Variants in CEP72 observed in about 807,000 individuals in gnomAD.
CEP72 encodes centrosomal protein of 72 kDa.
In CEP72, 78 loss-of-function variants were observed where a neutral mutation model predicts 65.7. That is an observed-to-expected ratio of 1.19 (90% CI 0.99 to 1.43). CEP72 has a LOEUF of 1.43. Among genes scored for constraint, CEP72 ranks in the 40% most tolerant of loss-of-function variants. CEP72 has a pLI of 0.00. For synonymous variants in CEP72, 358 were observed against 351.7 expected (o/e 1.02, Z -0.20); for missense variants, 914 against 832.9 (o/e 1.10, Z -1.20).
intron 11 of CEP72, among the ~76,000 whole-genome samples, chr5:649,042 C>CTGTGGG (rs1391314479): frequency 6.9e-6 from 1 of 144,196 alleles, no homozygotes; most frequent in Non-Finnish European, 1.5e-5. Context: ...TGAGGTGTGA[C>CTGTGGG]TGTGAGGTGT....
rs570047791 is a variant in CEP72 at position 638,902 on chromosome 5, G to T, written c.1207-187G>T. Reference sequence around the variant, plus strand: ...GAGACCTCACTCATCCAGGACCGGTGCACCTGGCTAAGCCTCACTGGGCAG... The same window carrying T: ...GAGACCTCACTCATCCAGGACCGGTTCACCTGGCTAAGCCTCACTGGGCAG... On this transcript the variant is annotated intron_variant, in intron 7 of 11. Coordinates refer to ENST00000264935, the MANE Select transcript of CEP72 (RefSeq NM_018140.4). 4.3e-4 allele frequency among the ~76,000 whole-genome samples: 66 copies of T among 152,272 alleles called. 2 individuals carry two copies. The South Asian group carries it at 0.013, about 30-fold the overall frequency.
Position 647,808 on chromosome 5 carries a change from T to C in CEP72, c.1670T>C (p.Leu557Pro). 6.2e-7 allele frequency: 1 copy of C among 1,606,820 alleles called. No individual in the cohort carries two copies. Among genetic ancestry groups the C allele is most frequent in the East Asian group, 2.2e-5 (1 of 44,860 alleles). ...AATLNLQIAG[L>P]QTSVKRLCGE... ...TTTTTTTTTCTTTCTCTTTCAGGAC[T>C]TCAAACAAGTGTGAAGAGGCTGTGT... Residue 557 changes from leucine to proline, a missense_variant, in exon 11 of 12, where the codon CTT (leucine) becomes CCT (proline). Leu to Pro is a moderately conservative substitution (Grantham distance 98). Coordinates refer to ENST00000264935, the MANE Select transcript of CEP72 (RefSeq NM_018140.4).
intron 4 of CEP72, among the ~76,000 whole-genome samples, chr5:629,338 T>G (rs993797739): frequency 3.0e-4 from 45 of 152,296 alleles, no homozygotes; most frequent in African/African-American, 9.9e-4. Flanking sequence ...CTAGGAAAAG[T>G]GTAATCACAT....
downstream of CEP72, chr5:661,470 C>A (rs1286840584): frequency 6.6e-6 from 1 of 152,456 alleles, no homozygotes; most frequent in Non-Finnish European, 1.5e-5. Flanking sequence ...CCTGACAGAA[C>A]CTGTCCCTCT....
the CEP72 span, among the ~76,000 whole-genome samples, chr5:673,935 G>T: frequency 6.6e-6 from 1 of 152,246 alleles, no homozygotes. Context: ...CTGCATGTGT[G>T]TGCAGGCGTG....
intron 11 of CEP72, among the ~76,000 whole-genome samples, chr5:649,937 G>A (rs1459629979): frequency 2.7e-5 from 3 of 110,300 alleles, no homozygotes; most frequent in Admixed American, 8.6e-5. Flanking sequence ...ACTGTGAGGC[G>A]TGACTGTGAG....
chr5:638,830 G>A (rs1737800755), intron 7 of CEP72, among the ~76,000 whole-genome samples: 1 of 152,084 alleles, frequency 6.6e-6, no homozygotes, highest in South Asian at 2.1e-4. Flanking sequence ...AGGAGTCTGG[G>A]GCCTGCTTGA....
chr5:624,461 TTTC>T lies in CEP72; in HGVS notation c.404-5_404-3del, dbSNP rs1469102607. 6.2e-7 allele frequency: 1 copy of T among 1,611,904 alleles called. No individual in the cohort carries two copies. The highest frequency in any genetic ancestry group is 8.5e-7 in the Non-Finnish European group (1 of 1,178,052). ...CCACCTGCACAGTCTTGTGTGGCCTTTTCTTCTAGACGATCGCCCCGTGAGAGC... is the reference window on the plus strand; with the variant it reads ...CCACCTGCACAGTCTTGTGTGGCCTTTTCTAGACGATCGCCCCGTGAGAGC... On this transcript the variant is annotated splice_region_variant and splice_polypyrimidine_tract_variant and intron_variant, in intron 3 of 11. Transcript: ENST00000264935. This position sits in a 1 kb window ranked among gnomAD's most constrained non-coding sequence, Gnocchi z 4.7.
In CEP72 at chr5:622,512, C is replaced by T. The variant is rs944136466; in HGVS notation, c.404-1959C>T. Among the ~76,000 whole-genome samples the T allele has an allele frequency of 8.5e-5, 13 of 152,392 alleles. 2 individuals are homozygous for T. The highest frequency in any genetic ancestry group is 4.6e-4 in the Admixed American group (7 of 15,312). On this transcript the variant is annotated intron_variant, in intron 3 of 11. Transcript: ENST00000264935. ...CAAAGTGAGACCTAGCTCCCAGCAT[C>T]ACTGACAGGGAAGACCCTGGCTCAC...
intron 10 of CEP72, 24 bp from the exon 11 acceptor site, chr5:647,781 C>T: frequency 1.4e-6 from 2 of 1,381,994 alleles, no homozygotes; most frequent in African/African-American, 1.4e-5. Flanking sequence ...ATTAATGGTA[C>T]TTTTTTTTTT....
At position 624,585 on chromosome 5, in the gene CEP72, A is replaced by C; in HGVS notation, c.512+6A>C. 2 of 1,586,506 alleles carry C rather than the reference A, an allele frequency of 1.3e-6. No homozygotes were observed. The highest frequency in any genetic ancestry group is 1.7e-6 in the Non-Finnish European group (2 of 1,154,808). The stretch of plus-strand genomic sequence containing the variant: ...GCTTCTTTGAAAGAGGGCAGGTATG[A>C]ACGGAAGTGCTACGGACACCCAGAG... On this transcript the variant is annotated splice_donor_region_variant and intron_variant, in intron 4 of 11. Coordinates refer to ENST00000264935, the MANE Select transcript of CEP72 (RefSeq NM_018140.4). The surrounding 1 kb of genome is among the most constrained non-coding windows in gnomAD (Gnocchi z 4.7).
At chr5:668,587 G>A (rs536966128), downstream of CEP72, among the ~76,000 whole-genome samples, 5 of 152,394 alleles carry the variant, frequency 3.3e-5, no homozygotes, top group South Asian at 1.0e-3. Context: ...CAGGCCGCGG[G>A]GTGGGGGCCT....
chr5:619,601 C>A (rs1029462639), intron 2 of CEP72, among the ~76,000 whole-genome samples: 2 of 152,220 alleles, frequency 1.3e-5, no homozygotes, highest in Non-Finnish European at 2.9e-5. Flanking sequence ...GAGCCTGGTG[C>A]CTGAGCATTA....
Position 635,484 on chromosome 5 carries a change from G to A in CEP72, c.804G>A (p.Met268Ile). 6.2e-7 allele frequency: 1 copy of A among 1,614,128 alleles called. No individual in the cohort carries two copies. Reference sequence around the variant, plus strand: ...GCAGAGGGTGCTGTCTGGAGAAGATGCCTTGGAGCCAGCTCTGTGGAGAGC... The same window carrying A: ...GCAGAGGGTGCTGTCTGGAGAAGATACCTTGGAGCCAGCTCTGTGGAGAGC... ...SSCRGCCLEK[M>I]PWSQLCGELP... Residue 268 changes from methionine (M) to isoleucine (I), a missense_variant, in exon 6 of 12, where the codon ATG becomes ATA. Transcript: ENST00000264935.
intron 8 of CEP72, among the ~76,000 whole-genome samples, chr5:639,643 G>A (rs1461249072): frequency 6.6e-6 from 1 of 152,228 alleles, no homozygotes; most frequent in African/African-American, 2.4e-5. Flanking sequence ...TGGGACCCAG[G>A]AGGGTGGTCC....
chr5:672,300 G>A, the CEP72 span, among the ~76,000 whole-genome samples: 1 of 152,016 alleles, frequency 6.6e-6, no homozygotes, highest in Non-Finnish European at 1.5e-5. Context: ...GTCTCCCACT[G>A]GCCCTGGCTT....
downstream of CEP72, among the ~76,000 whole-genome samples, chr5:653,800 T>A (rs908401590): frequency 1.5e-4 from 23 of 152,266 alleles, no homozygotes; most frequent in Non-Finnish European, 1.5e-5. Context: ...CTGAAAATTA[T>A]GTCATAATAG....
intron 11 of CEP72, among the ~76,000 whole-genome samples, chr5:649,067 GACT>G (rs1354522203): frequency 1.8e-4 from 17 of 95,602 alleles, no homozygotes; most frequent in African/African-American, 6.2e-4. Flanking sequence ...GTGAGGTGTG[GACT>G]GTGAGGTGTG....
chr5:620,268 A>T lies in CEP72; in HGVS notation c.403+7A>T. 2.5e-6 allele frequency: 4 copies of T among 1,612,160 alleles called. No individual in the cohort carries two copies. The highest frequency in any genetic ancestry group is 2.2e-5 in the South Asian group (2 of 91,052). Reference sequence around the variant, plus strand: ...CCCAAGCTCCAGCAGCTGGGTAGGCATCAGGCAGGGCCACGCTCATGCTTT... The same window carrying T: ...CCCAAGCTCCAGCAGCTGGGTAGGCTTCAGGCAGGGCCACGCTCATGCTTT... On this transcript the variant is annotated splice_region_variant and intron_variant, in intron 3 of 11. Coordinates refer to ENST00000264935, the MANE Select transcript of CEP72 (RefSeq NM_018140.4).
Sources: gnomAD v4.1 joint callset for allele counts (sites outside exome capture counted in the v4.1 genomes callset) on GRCh38, gnomAD v4.1.1 for gene constraint, Gnocchi (gnomAD v3.1) non-coding constraint, MANE v1.5 for transcripts, NCBI Gene and HGNC (gene_info 2026-07-23, HGNC 2026-07-21) for gene names.